Variants in HTR4 observed in about 807,000 individuals in gnomAD.
The protein encoded by HTR4 is 5-hydroxytryptamine receptor 4.
Under a neutral mutation model 36.8 loss-of-function variants are expected in HTR4, and 16 were observed. The ratio of observed to expected loss-of-function variants is 0.43; its 90% CI spans 0.29 to 0.66. The LOEUF (loss-of-function observed/expected upper bound fraction) is 0.66. Ranked by LOEUF, HTR4 falls within the 30% of genes least tolerant of loss-of-function variation. The pLI is 0.13. For synonymous variants in HTR4, 189 were observed against 185.1 expected (o/e 1.02, Z -0.17); for missense variants, 438 against 490.9 (o/e 0.89, Z 1.02).
intron 6 of HTR4, among the ~76,000 whole-genome samples, chr5:148,495,213 CAT>C (rs1268125253): frequency 6.6e-6 from 1 of 152,204 alleles, no homozygotes; most frequent in Non-Finnish European, 1.5e-5. Flanking sequence ...TTATCACTCT[CAT>C]GTGGACAGAG....
At chr5:148,478,409 G>C (rs1450585965), downstream of HTR4, among the ~76,000 whole-genome samples, 1 of 152,148 alleles carries the variant, frequency 6.6e-6, no homozygotes, top group Non-Finnish European at 1.5e-5. Flanking sequence ...TGAAGGCTTA[G>C]GTCTTCATTC....
chr5:148,521,951 TC>T (rs1012483408), intron 5 of HTR4, among the ~76,000 whole-genome samples: 6 of 152,300 alleles, frequency 3.9e-5, no homozygotes, highest in Non-Finnish European at 8.8e-5. Flanking sequence ...CACCCAAATC[TC>T]ATCTTGAACT....
At chr5:148,561,239 G>T (rs925879852) in intron 2 of HTR4, among the ~76,000 whole-genome samples, 1 of 152,104 alleles carries the variant, frequency 6.6e-6, no homozygotes, top group African/African-American at 2.4e-5. Context: ...AAACTTCAAA[G>T]CCCAAAGAGG....
At chr5:148,620,053 AG>A (rs1752857293) in intron 2 of HTR4, among the ~76,000 whole-genome samples, 2 of 152,182 alleles carry the variant, frequency 1.3e-5, no homozygotes, top group African/African-American at 4.8e-5. Flanking sequence ...AGGGGAAAAG[AG>A]GTAATGTAAG....
In HTR4 at chr5:148,637,070, G is replaced by C. The variant is rs772087907; in HGVS notation, c.-47-9C>G. On this transcript the variant is annotated splice_polypyrimidine_tract_variant and intron_variant, in intron 1 of 6. Coordinates refer to ENST00000377888, the MANE Select transcript of HTR4 (RefSeq NM_000870.7). ...TCAATGCCCACAGGGTCCTAAAATG[G>C]GGGAAGTAAAAAGATGTTATAAAAG... 1 of 1,585,316 alleles carries C rather than the reference G, an allele frequency of 6.3e-7. No individual in the cohort carries two copies. The highest frequency in any genetic ancestry group is 1.3e-5 in the African/African-American group (1 of 74,338).
chr5:148,528,181 G>A (rs1188948546), intron 4 of HTR4, among the ~76,000 whole-genome samples: 1 of 152,154 alleles, frequency 6.6e-6, no homozygotes, highest in African/African-American at 2.4e-5. Context: ...TAGGTAGATT[G>A]TTAGTGACAG....
At chr5:148,498,848 C>T (rs978737587) in intron 6 of HTR4, among the ~76,000 whole-genome samples, 12 of 152,062 alleles carry the variant, frequency 7.9e-5, no homozygotes, top group South Asian at 6.2e-4. Context: ...AAGAATAGGT[C>T]CATCTGATCT....
chr5:148,458,759 G>T (rs1755192347), intron 5 of HTR4, among the ~76,000 whole-genome samples: 2 of 152,198 alleles, frequency 1.3e-5, no homozygotes, highest in African/African-American at 4.8e-5. Context: ...CACAAAGTCA[G>T]CAGGGACCCA....
intron 2 of HTR4, among the ~76,000 whole-genome samples, chr5:148,608,778 G>A (rs1221935612): frequency 6.6e-6 from 1 of 152,230 alleles, no homozygotes; most frequent in African/African-American, 2.4e-5. Context: ...GGAGGATATT[G>A]CAGTAACCCA....
intron 5 of HTR4, among the ~76,000 whole-genome samples, chr5:148,522,869 C>A (rs890503860): frequency 2.6e-5 from 4 of 151,960 alleles, no homozygotes; most frequent in African/African-American, 7.3e-5. Context: ...GGGTGAAGAA[C>A]CTAATCAAAT....
chr5:148,592,841 T>A (rs947457240), intron 2 of HTR4, among the ~76,000 whole-genome samples: 1 of 152,180 alleles, frequency 6.6e-6, no homozygotes, highest in African/African-American at 2.4e-5. Flanking sequence ...ACTTTGCTAA[T>A]TTCCTCACTT....
chr5:148,541,960 T>C (rs1011092926), intron 4 of HTR4, among the ~76,000 whole-genome samples: 1 of 152,118 alleles, frequency 6.6e-6, no homozygotes, highest in Non-Finnish European at 1.5e-5. Context: ...CCAATAGCTT[T>C]TTTTTTTTCC....
chr5:148,545,585 A>T (rs1017228868), intron 4 of HTR4, among the ~76,000 whole-genome samples: 11 of 152,222 alleles, frequency 7.2e-5, no homozygotes, highest in Admixed American at 2.0e-4. Context: ...TTCTGCAAAG[A>T]AGAGAAGATT....
intron 3 of HTR4, among the ~76,000 whole-genome samples, chr5:148,549,825 A>T (rs1263797445): frequency 6.6e-6 from 1 of 152,170 alleles, no homozygotes; most frequent in Non-Finnish European, 1.5e-5. Flanking sequence ...CATCTTCCCT[A>T]AACCATTAAT....
chr5:148,523,466 A>G (rs1758121881), intron 4 of HTR4, 120 bp from the exon 5 acceptor site: 3 of 663,036 alleles, frequency 4.5e-6, no homozygotes, highest in Non-Finnish European at 7.1e-6. Flanking sequence ...GATAGAGAAC[A>G]GCAAACATTG....
chr5:148,654,434 G>T lies in HTR4; in HGVS notation c.-420C>A. ...GGGGGTGCCGCTCTGCCGGCAGGGC[G>T]CACAGGGGAGTGGGCACAGAGGCGG... On this transcript the variant is annotated 5_prime_UTR_variant, in exon 1 of 7. Coordinates refer to ENST00000377888, the MANE Select transcript of HTR4 (RefSeq NM_000870.7). 2 of 985,494 alleles carry T rather than the reference G, an allele frequency of 2.0e-6. No homozygotes were observed. The highest frequency in any genetic ancestry group is 2.4e-6 in the Non-Finnish European group (2 of 829,996). The allele number at this position is 985,494 out of a possible 1,614,324, so 61.0% of individuals were successfully genotyped here.
intron 5 of HTR4, among the ~76,000 whole-genome samples, chr5:148,470,719 C>A (rs547141313): frequency 1.3e-5 from 2 of 152,122 alleles, no homozygotes; most frequent in African/African-American, 2.4e-5. Context: ...GATGGAGTCT[C>A]GTTCTGCTGC....
intron 6 of HTR4, among the ~76,000 whole-genome samples, chr5:148,497,187 T>G (rs1464999466): frequency 1.3e-5 from 2 of 152,138 alleles, no homozygotes; most frequent in African/African-American, 4.8e-5. Context: ...TGTTTTATTT[T>G]TATTTTTATT....
chr5:148,613,232 G>A (rs1243717777), intron 2 of HTR4, among the ~76,000 whole-genome samples: 1 of 148,546 alleles, frequency 6.7e-6, no homozygotes, highest in Non-Finnish European at 1.5e-5. Context: ...AACCAAAAAA[G>A]AGAATTTTAG....
Sources: gnomAD v4.1 joint callset for allele counts (sites outside exome capture counted in the v4.1 genomes callset) on GRCh38, gnomAD v4.1.1 for gene constraint, MANE v1.5 for transcripts, NCBI Gene and HGNC (gene_info 2026-07-23, HGNC 2026-07-21) for gene names.